WRAP73: variants seen among roughly 807,000 people sequenced by gnomAD.
WRAP73 encodes the protein WD repeat-containing protein WRAP73.
Under a neutral mutation model 59.6 loss-of-function variants are expected in WRAP73, and 55 were observed. The ratio of observed to expected loss-of-function variants is 0.92; its 90% CI spans 0.74 to 1.15. WRAP73 has a LOEUF of 1.15. Ranked by LOEUF, WRAP73 falls within the 50% of genes most tolerant of loss-of-function variation. The pLI, the probability that WRAP73 is intolerant of heterozygous loss-of-function variation, is 0.00. For missense variants in WRAP73, 592 were observed against 608.1 expected, an observed-to-expected ratio of 0.97 and a Z score of 0.28; for synonymous variants, 265 against 258.2, an observed-to-expected ratio of 1.03 and a Z score of -0.25.
intron 3 of WRAP73, among the ~76,000 whole-genome samples, chr1:3,642,257 A>G (rs748674081): frequency 1.3e-5 from 2 of 152,244 alleles, no homozygotes; most frequent in Admixed American, 1.3e-4. Flanking sequence ...CTGACAGACT[A>G]CAAGAGCAAT....
chr1:3,649,229 C>T (rs1644717326), intron 1 of WRAP73, among the ~76,000 whole-genome samples: 1 of 152,226 alleles, frequency 6.6e-6, no homozygotes, highest in African/African-American at 2.4e-5. Flanking sequence ...AGTTATAGCT[C>T]TGTGATTTAA....
chr1:3,647,169 G>A (rs1202338066), intron 2 of WRAP73: 8 of 487,248 alleles, frequency 1.6e-5, no homozygotes, highest in East Asian at 7.0e-5. Flanking sequence ...CCACATCCGC[G>A]TGGCTAGATT....
chr1:3,645,180 A>G (rs1644677140), intron 3 of WRAP73, among the ~76,000 whole-genome samples: 1 of 152,220 alleles, frequency 6.6e-6, no homozygotes. Context: ...AGCAACCCTC[A>G]TGGCTGGATA....
In WRAP73 at chr1:3,639,147, G is replaced by A. The variant is rs1256387627; in HGVS notation, c.340-325C>T. 7.2e-6 allele frequency: 2 copies of A among 278,402 alleles called. No homozygotes were observed. Among genetic ancestry groups the A allele is most frequent in the African/African-American group, 4.5e-5 (2 of 44,072 alleles). 17.2% of individuals were successfully genotyped at this position (278,402 alleles called of 1,614,324 possible). A position where few individuals can be genotyped will look rare whatever the true frequency, so the allele number is the denominator to read the frequency against. ...TTATAATAACCCTGAGTTACTCAGA[G>A]AAAAATCTTGATCTAGAAACCACCA... On this transcript the variant is annotated intron_variant, in intron 3 of 11. Coordinates refer to ENST00000270708, the MANE Select transcript of WRAP73 (RefSeq NM_017818.4). This position sits in a 1 kb window ranked among gnomAD's most constrained non-coding sequence, Gnocchi z 4.3.
rs182807777 is a variant in WRAP73, at chr1:3,644,351, G to A, written c.339+2315C>T. 3.4e-3 allele frequency among the ~76,000 whole-genome samples: 453 copies of A among 134,470 alleles called. 7 individuals are homozygous for A. The highest frequency in any genetic ancestry group is 5.6e-3 in the Non-Finnish European group (357 of 63,824). 88.2% of individuals were successfully genotyped at this position (134,470 alleles called of 152,430 possible). The stretch of plus-strand genomic sequence containing the variant: ...CCCGCTGAGCCCCGGACATGGGGTC[G>A]CGCCTTCGGAAGGGGATCCAGTGGC... On this transcript the variant is annotated intron_variant, in intron 3 of 11. Coordinates refer to ENST00000270708, the MANE Select transcript of WRAP73 (RefSeq NM_017818.4).
At chr1:3,644,302 G>A (rs1472320017) in intron 3 of WRAP73, among the ~76,000 whole-genome samples, 1 of 52,980 alleles carries the variant, frequency 1.9e-5, no homozygotes, top group Admixed American at 2.0e-4. Context: ...ATGGGGTCGC[G>A]CCTTCGGAAG....
intron 8 of WRAP73, chr1:3,634,314 T>A (rs1377013129): frequency 6.4e-6 from 1 of 155,162 alleles, no homozygotes; most frequent in Non-Finnish European, 1.4e-5. Context: ...CTTCATCGAA[T>A]CCAAGCCGCC....
chr1:3,643,280 T>A (rs1039971970), intron 3 of WRAP73, among the ~76,000 whole-genome samples: 2 of 152,228 alleles, frequency 1.3e-5, no homozygotes, highest in Non-Finnish European at 2.9e-5. Flanking sequence ...TAGACACATC[T>A]GTACAGTGAG....
chr1:3,635,471 G>A, intron 6 of WRAP73, 177 bp from the exon 7 acceptor site: 3 of 806,640 alleles, frequency 3.7e-6, no homozygotes, highest in Non-Finnish European at 5.7e-6. Context: ...CGGAGAGGCA[G>A]TGAGAGCATG....
At chr1:3,647,097 C>A in intron 2 of WRAP73, 1 of 446,846 alleles carries the variant, frequency 2.2e-6, no homozygotes, top group South Asian at 4.0e-5. Context: ...TTCCTAAGAC[C>A]TCATTTAGTT....
chr1:3,638,046 A>G (rs369482480), intron 4 of WRAP73, among the ~76,000 whole-genome samples: 2 of 152,346 alleles, frequency 1.3e-5, no homozygotes, highest in East Asian at 3.9e-4. Flanking sequence ...AACTATAAGA[A>G]TAAGAGTGTG....
chr1:3,632,335 T>G lies in WRAP73; in HGVS notation c.926A>C (p.Glu309Ala), dbSNP rs1416125054. 1 of 1,614,134 alleles carries G rather than the reference T, an allele frequency of 6.2e-7. No individual in the cohort carries two copies. Among genetic ancestry groups the G allele is most frequent in the South Asian group, 1.1e-5 (1 of 91,088 alleles). Residue 309 changes from glutamate to alanine, a missense_variant, in exon 10 of 12, where the codon GAG becomes GCG. Transcript: ENST00000270708. The stretch of plus-strand genomic sequence containing the variant: ...TAAGGAGACTGGGACAGAGGCGATC[T>G]CATCTAGAACACCAACAGGAAGAAC... ...GPLPSSESKY[E>A]IASVPVSLQT...
intron 9 of WRAP73, 53 bp downstream of exon 9, chr1:3,633,345 G>A (rs1394772916): frequency 1.5e-5 from 22 of 1,505,470 alleles, no homozygotes; most frequent in Middle Eastern, 1.7e-4. Context: ...TCTGGACAAC[G>A]AGGAATCTTG....
Position 3,647,271 on chromosome 1 carries a change from A to C in WRAP73, c.222+137T>G, listed in dbSNP as rs1433618210. 1.1e-5 allele frequency: 10 copies of C among 909,464 alleles called. No homozygotes were observed. In the East Asian group the frequency reaches 2.6e-4, roughly 24 times the overall value. 56.3% of individuals were successfully genotyped at this position (909,464 alleles called of 1,614,324 possible). On this transcript the variant is annotated intron_variant, in intron 2 of 11. Transcript: ENST00000270708. ...TTTAAATGTTCTTAAACTTTAGAGA[A>C]CGTTATAATTTCAAAAGAAAACTGG...
Position 3,650,037 on chromosome 1 carries a change from A to C in WRAP73, c.-38T>G. On this transcript the variant is annotated 5_prime_UTR_variant, in exon 1 of 12. Coordinates refer to ENST00000270708, the MANE Select transcript of WRAP73 (RefSeq NM_017818.4). ...CCGCGGGCGCCACCCTGCGCCCGAA[A>C]ACCCGCGGGACCCCTGGGCGCGCAG... The C allele has an allele frequency of 6.4e-7, 1 of 1,558,760 alleles. No individual in the cohort carries two copies. The highest frequency in any genetic ancestry group is 1.9e-5 in the Admixed American group (1 of 52,496).
intron 8 of WRAP73, chr1:3,634,756 G>A (rs1198091600): frequency 3.7e-6 from 2 of 544,368 alleles, no homozygotes; most frequent in East Asian, 3.3e-5. Flanking sequence ...ACTGGACTGG[G>A]GTGGCAGCGG....
In WRAP73 at chr1:3,646,355, A is replaced by T. The variant is rs1234573356; in HGVS notation, c.339+311T>A. Among the ~76,000 whole-genome samples, 1 of 152,276 alleles carries T rather than the reference A, an allele frequency of 6.6e-6. No homozygotes were observed. The highest frequency in any genetic ancestry group is 1.5e-5 in the Non-Finnish European group (1 of 68,046). On this transcript the variant is annotated intron_variant, in intron 3 of 11. Coordinates refer to ENST00000270708, the MANE Select transcript of WRAP73 (RefSeq NM_017818.4). This position sits in a 1 kb window ranked among gnomAD's most constrained non-coding sequence, Gnocchi z 5.1. ...TGAGGTTGTTGCTCAGATCTTCAGTAAGACCAAATCTTCTATCCATGCAAT... is the reference window on the plus strand; with the variant it reads ...TGAGGTTGTTGCTCAGATCTTCAGTTAGACCAAATCTTCTATCCATGCAAT...
In WRAP73 at chr1:3,647,563, A is replaced by C; in HGVS notation, c.70-3T>G. 6.2e-7 allele frequency: 1 copy of C among 1,609,082 alleles called. No individual in the cohort carries two copies. The highest frequency in any genetic ancestry group is 8.5e-7 in the Non-Finnish European group (1 of 1,177,954). ...AACCGGTACTGGACACAGGAAGCCT[A>C]AAAAATATGAGAAAGCAAGCACCTG... is the stretch of plus-strand genomic sequence containing the variant. On this transcript the variant is annotated splice_polypyrimidine_tract_variant and splice_region_variant and intron_variant, in intron 1 of 11. Transcript: ENST00000270708.
intron 10 of WRAP73, 141 bp downstream of exon 10, chr1:3,632,072 A>G: frequency 6.7e-7 from 1 of 1,496,336 alleles, no homozygotes; most frequent in Non-Finnish European, 8.8e-7. Context: ...AGCTTCTGTG[A>G]GCACCTCGGC....
Sources: gnomAD v4.1 joint callset for allele counts (sites outside exome capture counted in the v4.1 genomes callset) on GRCh38, gnomAD v4.1.1 for gene constraint, Gnocchi (gnomAD v3.1) non-coding constraint, MANE v1.5 for transcripts, NCBI Gene and HGNC (gene_info 2026-07-23, HGNC 2026-07-21) for gene names.